PLK1: variants seen among roughly 807,000 people sequenced by gnomAD.
PLK1 encodes polo like kinase 1.
A neutral mutation model predicts 56.7 loss-of-function variants in PLK1; 6 were observed. The ratio of observed to expected loss-of-function variants is 0.11; its 90% CI spans 0.06 to 0.21. PLK1 has a LOEUF of 0.21. PLK1 is among the 10% of genes least tolerant of loss of function. PLK1 has a pLI of 1.00. For missense variants in PLK1, 546 were observed against 814.4 expected, an observed-to-expected ratio of 0.67 and a Z score of 4.01; for synonymous variants, 298 against 325.0, an observed-to-expected ratio of 0.92 and a Z score of 0.89.
chr16:23,680,388 G>T (rs2140997578), intron 2 of PLK1, 136 bp downstream of exon 2: 4 of 646,288 alleles, frequency 6.2e-6, no homozygotes, highest in South Asian at 4.7e-5. Context: ...GTGCCCCAAT[G>T]CAATATTTTT....
chr16:23,689,285 A>G lies in PLK1; in HGVS notation c.1318A>G (p.Thr440Ala), dbSNP rs1227390743. Residue 440 changes from threonine to alanine, a missense_variant, in exon 8 of 10, where the codon ACA becomes GCA. Thr to Ala is a moderately conservative substitution (Grantham distance 58). This residue lies in a region of PLK1 where 113 missense variants were observed against 202.0 expected (regional missense o/e 0.56). Transcript: ENST00000300093. This position sits in a 1 kb window ranked among gnomAD's most constrained non-coding sequence, Gnocchi z 4.8. ...NSVGVLFNDSTRLILYNDGDS... is the reference protein window; with the variant it reads ...NSVGVLFNDSARLILYNDGDS... ...CGTGGGGGTGCTCTTCAATGACTCA[A>G]CACGCCTCATCCTCTACAATGATGG... The G allele has an allele frequency of 6.2e-7, 1 of 1,613,656 alleles. No homozygotes were observed. Among genetic ancestry groups the G allele is most frequent in the African/African-American group, 1.3e-5 (1 of 74,852 alleles).
Position 23,689,286 on chromosome 16 carries a change from C to T in PLK1, c.1319C>T (p.Thr440Ile), listed in dbSNP as rs1959492698. The change falls in exon 8 of 10, where the codon ACA becomes ATA. Residue 440 changes from threonine (T) to isoleucine (I), a missense_variant. Thr to Ile is a moderately conservative substitution (Grantham distance 89). Coordinates refer to ENST00000300093, the MANE Select transcript of PLK1 (RefSeq NM_005030.6). This position sits in a 1 kb window ranked among gnomAD's most constrained non-coding sequence, Gnocchi z 4.8. ...NSVGVLFNDS[T>I]RLILYNDGDS... ...GTGGGGGTGCTCTTCAATGACTCAA[C>T]ACGCCTCATCCTCTACAATGATGGT... is the stretch of plus-strand genomic sequence containing the variant. The T allele has an allele frequency of 6.2e-7, 1 of 1,613,806 alleles. No homozygotes were observed. Among genetic ancestry groups the T allele is most frequent in the African/African-American group, 1.3e-5 (1 of 74,900 alleles).
chr16:23,679,846 G>A (rs2140997352), intron 1 of PLK1: 2 of 410,564 alleles, frequency 4.9e-6, no homozygotes, highest in East Asian at 7.5e-5. Flanking sequence ...GAAGCTAGTA[G>A]GAGAAGGGGT....
In PLK1 at chr16:23,689,039, T is replaced by C. The variant is rs1389128656; in HGVS notation, c.1271-199T>C. 1.3e-5 allele frequency among the ~76,000 whole-genome samples: 2 copies of C among 152,198 alleles called. No individual in the cohort carries two copies. Among genetic ancestry groups the C allele is most frequent in the Non-Finnish European group, 2.9e-5 (2 of 68,036 alleles). The stretch of plus-strand genomic sequence containing the variant: ...CTGTGACTACAGGCGTGCACCATTA[T>C]GCTCAGCTAATTTTTAAAATATTTT... On this transcript the variant is annotated intron_variant, in intron 7 of 9. Transcript: ENST00000300093. The surrounding 1 kb of genome is among the most constrained non-coding windows in gnomAD (Gnocchi z 4.8).
chr16:23,687,397 T>G, intron 5 of PLK1, 72 bp from the exon 6 acceptor site: 1 of 1,291,802 alleles, frequency 7.7e-7, no homozygotes. Flanking sequence ...AATTTTTCTT[T>G]CGGAAGAGTT....
chr16:23,689,166 G>A lies in PLK1; in HGVS notation c.1271-72G>A, dbSNP rs971456211. 7.3e-7 allele frequency: 1 copy of A among 1,378,646 alleles called. No individual in the cohort carries two copies. The highest frequency in any genetic ancestry group is 1.0e-6 in the Non-Finnish European group (1 of 982,340). 85.4% of individuals were successfully genotyped at this position (1,378,646 alleles called of 1,614,324 possible). A position where few individuals can be genotyped will look rare whatever the true frequency, so the allele number is the denominator to read the frequency against. ...CCCAAAGTGCTGGAATCACAGGCAT[G>A]TGCCACCACGCCCGGTCCCACTCCC... On this transcript the variant is annotated intron_variant, in intron 7 of 9. Coordinates refer to ENST00000300093, the MANE Select transcript of PLK1 (RefSeq NM_005030.6). The surrounding 1 kb of genome is among the most constrained non-coding windows in gnomAD (Gnocchi z 4.8).
intron 3 of PLK1, 53 bp from the exon 4 acceptor site, chr16:23,682,011 A>G: frequency 1.1e-6 from 1 of 924,800 alleles, no homozygotes. Flanking sequence ...GATTTCTCTC[A>G]TGTCTGGGTT....
chr16:23,679,317 G>T lies in PLK1; in HGVS notation c.385G>T (p.Val129Leu). The change falls in exon 1 of 10, where the codon GTG (valine) becomes TTG (leucine). Residue 129 changes from valine (V) to leucine (L), a missense_variant. Coordinates refer to ENST00000300093, the MANE Select transcript of PLK1 (RefSeq NM_005030.6). The part of the protein sequence containing the change: ...FFEDNDFVFV[V>L]LELCRRRSLL... ...CGAGGACAACGACTTCGTGTTCGTG[G>T]TGTTGGAGCTCTGCCGCCGGAGGGT... The T allele has an allele frequency of 6.2e-7, 1 of 1,613,014 alleles. No individual in the cohort carries two copies. The highest frequency in any genetic ancestry group is 8.5e-7 in the Non-Finnish European group (1 of 1,179,384).
chr16:23,680,007 GC>G, intron 1 of PLK1, 76 bp from the exon 2 acceptor site: 2 of 1,026,586 alleles, frequency 1.9e-6, no homozygotes, highest in Non-Finnish European at 3.0e-6. Flanking sequence ...TGCTTCCTTT[GC>G]CTGGTAACCC....
Position 23,682,011 on chromosome 16 carries a change from A to T in PLK1, c.723-53A>T, listed in dbSNP as rs1045814305. 14 of 924,682 alleles carry T rather than the reference A, an allele frequency of 1.5e-5. No individual in the cohort carries two copies. In the Admixed American group the frequency reaches 2.3e-4, roughly 15 times the overall value. 57.3% of individuals were successfully genotyped at this position (924,682 alleles called of 1,614,324 possible). A position where few individuals can be genotyped will look rare whatever the true frequency, so the allele number is the denominator to read the frequency against. On this transcript the variant is annotated intron_variant, in intron 3 of 9. Transcript: ENST00000300093. ...TTCTGACCCTGAGATGATTTCTCTC[A>T]TGTCTGGGTTGTGGCTGGGAGACTG...
intron 4 of PLK1, among the ~76,000 whole-genome samples, chr16:23,682,696 T>G (rs191716711): frequency 0.054 from 8,096 of 150,352 alleles, 432 homozygotes; most frequent in African/African-American, 0.13. Flanking sequence ...CTTTTTTTTT[T>G]TTTTTTTGTA....
chr16:23,683,917 A>G lies in PLK1; in HGVS notation c.864A>G (p.Thr288=). The stretch of plus-strand genomic sequence containing the variant: ...CCCTCATCCAGAAGATGCTTCAGAC[A>G]GATCCCACTGCCCGCCCAACCATTA... ...AASLIQKMLQ[T]DPTARPTINE... The change falls in exon 5 of 10, where the codon ACA becomes ACG. Residue 288 remains threonine (T), a synonymous_variant. Coordinates refer to ENST00000300093, the MANE Select transcript of PLK1 (RefSeq NM_005030.6). 6.2e-7 allele frequency: 1 copy of G among 1,614,114 alleles called. No individual in the cohort carries two copies. The highest frequency in any genetic ancestry group is 8.5e-7 in the Non-Finnish European group (1 of 1,180,012).
intron 6 of PLK1, 24 bp from the exon 7 acceptor site, chr16:23,688,644 A>T (rs1401433023): frequency 6.3e-7 from 1 of 1,589,864 alleles, no homozygotes. Flanking sequence ...TGACCAACTA[A>T]CTGTCTGTCT....
At position 23,689,090 on chromosome 16, in the gene PLK1, C is replaced by T; in HGVS notation, c.1271-148C>T. On this transcript the variant is annotated intron_variant, in intron 7 of 9. Transcript: ENST00000300093. The surrounding 1 kb of genome is among the most constrained non-coding windows in gnomAD (Gnocchi z 4.8). ...GTAGAGATGGGGTCTCATTACGTTGCCCAGGCTGGTCTCAAACTCCTGGGC... is the reference window on the plus strand; with the variant it reads ...GTAGAGATGGGGTCTCATTACGTTGTCCAGGCTGGTCTCAAACTCCTGGGC... 1.4e-6 allele frequency: 1 copy of T among 695,720 alleles called. No individual in the cohort carries two copies. The highest frequency in any genetic ancestry group is 2.5e-6 in the Non-Finnish European group (1 of 396,444). 43.1% of individuals were successfully genotyped at this position (695,720 alleles called of 1,614,324 possible). A position where few individuals can be genotyped will look rare whatever the true frequency, so the allele number is the denominator to read the frequency against.
chr16:23,679,749 G>T, intron 1 of PLK1: 1 of 293,254 alleles, frequency 3.4e-6, no homozygotes, highest in Non-Finnish European at 6.4e-6. Context: ...GGGCCTTCCG[G>T]GGGAGATACG....
At chr16:23,679,892 C>T (rs1407477973) in intron 1 of PLK1, 192 bp from the exon 2 acceptor site, 1 of 562,438 alleles carries the variant, frequency 1.8e-6, no homozygotes, top group East Asian at 2.9e-5. Flanking sequence ...AAGGCAGGGT[C>T]CAGATGCCGC....
rs1379177197 is a variant in PLK1, at chr16:23,689,920, C to T, written c.1669C>T (p.Arg557Trp). 6.2e-7 allele frequency: 1 copy of T among 1,614,086 alleles called. No individual in the cohort carries two copies. The highest frequency in any genetic ancestry group is 8.5e-7 in the Non-Finnish European group (1 of 1,179,966). Reference protein sequence around the residue: ...MAAVTYIDEKRDFRTYRLSLL... With the variant: ...MAAVTYIDEKWDFRTYRLSLL... ...AGCCGTGACCTACATCGACGAGAAG[C>T]GGGACTTCCGCACATACCGCCTGAG... Residue 557 changes from arginine to tryptophan, a missense_variant, in exon 10 of 10, where the codon CGG (arginine) becomes TGG (tryptophan). Around this residue, in one of 7 missense-constraint regions of PLK1, gnomAD observed 72 missense variants for 77.9 expected, o/e 0.92. Coordinates refer to ENST00000300093, the MANE Select transcript of PLK1 (RefSeq NM_005030.6). The surrounding 1 kb of genome is among the most constrained non-coding windows in gnomAD (Gnocchi z 4.8).
In PLK1 at chr16:23,680,939, C is replaced by T. The variant is rs757775507; in HGVS notation, c.603C>T (p.Val201=). The stretch of plus-strand genomic sequence containing the variant: ...GGGATTTTGGACTGGCAACCAAAGT[C>T]GAATATGACGGGGAGAGGAAGAAGA... ...KIGDFGLATK[V]EYDGERKKTL... Residue 201 remains valine, a synonymous_variant, in exon 3 of 10, where the codon GTC becomes GTT. Transcript: ENST00000300093. The T allele has an allele frequency of 8.7e-6, 14 of 1,610,622 alleles. No individual in the cohort carries two copies. Among genetic ancestry groups the T allele is most frequent in the Admixed American group, 3.4e-5 (2 of 59,172 alleles).
intron 4 of PLK1, among the ~76,000 whole-genome samples, chr16:23,683,631 G>A (rs1232713404): frequency 2.0e-5 from 3 of 152,154 alleles, no homozygotes; most frequent in Non-Finnish European, 4.4e-5. Context: ...CTGGCACATA[G>A]TGAGTGCTAG....
Sources: gnomAD v4.1 joint callset for allele counts (sites outside exome capture counted in the v4.1 genomes callset) on GRCh38, gnomAD v4.1.1 for gene constraint, gnomAD v4.1.1 regional missense constraint, Gnocchi (gnomAD v3.1) non-coding constraint, MANE v1.5 for transcripts, NCBI Gene and HGNC (gene_info 2026-07-23, HGNC 2026-07-21) for gene names.